Variants in AGBL4 observed in about 807,000 individuals in gnomAD.
AGBL4 encodes the protein cytosolic carboxypeptidase 6.
Under a neutral mutation model 66.4 loss-of-function variants are expected in AGBL4, and 58 were observed. The observed-to-expected ratio is 0.87, with a 90% confidence interval of 0.71 to 1.09. The LOEUF (loss-of-function observed/expected upper bound fraction) is 1.09, where lower values mean the gene tolerates loss of function less well. AGBL4 is among the 50% of genes least tolerant of loss of function. The probability of loss-of-function intolerance (pLI) is 0.00; values close to 1 mark genes in which losing one functional copy is unlikely to be tolerated. For missense variants in AGBL4, 579 were observed against 631.0 expected (o/e 0.92, Z 0.88); for synonymous variants, 234 against 222.9 (o/e 1.05, Z -0.44).
intron 6 of AGBL4, among the ~76,000 whole-genome samples, chr1:48,720,947 A>G (rs1647136912): frequency 7.0e-6 from 1 of 143,760 alleles, no homozygotes; most frequent in Admixed American, 7.2e-5. Flanking sequence ...TGAGCCTTCA[A>G]GCCCAGAGAG....
At chr1:49,260,062 G>T (rs1388537975) in intron 3 of AGBL4, among the ~76,000 whole-genome samples, 1 of 150,432 alleles carries the variant, frequency 6.6e-6, no homozygotes, top group African/African-American at 2.4e-5. Flanking sequence ...TGACTACTGG[G>T]TACATAACAA....
At chr1:49,337,012 G>A (rs1645451084) in intron 3 of AGBL4, among the ~76,000 whole-genome samples, 1 of 152,130 alleles carries the variant, frequency 6.6e-6, no homozygotes, top group Non-Finnish European at 1.5e-5. Flanking sequence ...TTGAAACCAG[G>A]ATTAATATCT....
intron 5 of AGBL4, among the ~76,000 whole-genome samples, chr1:48,890,066 A>G (rs1308759127): frequency 2.0e-5 from 3 of 151,972 alleles, no homozygotes; most frequent in South Asian, 2.1e-4. Context: ...GCCTATTGAC[A>G]GAGCTGGGTT....
chr1:49,454,817 T>C (rs1646354884), intron 3 of AGBL4, among the ~76,000 whole-genome samples: 4 of 151,646 alleles, frequency 2.6e-5, no homozygotes, highest in African/African-American at 9.7e-5. Flanking sequence ...AGTGTGGTTG[T>C]TCTATATACA....
chr1:49,185,262 G>GCA (rs1031280772), intron 4 of AGBL4, among the ~76,000 whole-genome samples: 7 of 152,148 alleles, frequency 4.6e-5, no homozygotes, highest in African/African-American at 1.7e-4. Context: ...ACAGAAAAGG[G>GCA]CACAGGAAAT....
chr1:49,834,601 T>C (rs1645795380), intron 2 of AGBL4, among the ~76,000 whole-genome samples: 1 of 152,208 alleles, frequency 6.6e-6, no homozygotes, highest in Non-Finnish European at 1.5e-5. Flanking sequence ...CTTAGTTATT[T>C]CTTGTCTTCT....
chr1:49,922,406 G>A (rs958538280), intron 1 of AGBL4, among the ~76,000 whole-genome samples: 2 of 152,130 alleles, frequency 1.3e-5, no homozygotes, highest in African/African-American at 4.8e-5. Context: ...AGACAAGGAT[G>A]CCCTCTCTCA....
chr1:49,699,435 T>C (rs1394830522), intron 2 of AGBL4, among the ~76,000 whole-genome samples: 1 of 152,050 alleles, frequency 6.6e-6, no homozygotes, highest in Non-Finnish European at 1.5e-5. Flanking sequence ...CACCTGGTTC[T>C]CTTTCATTAA....
chr1:49,690,626 G>T (rs1476891651), intron 3 of AGBL4, among the ~76,000 whole-genome samples: 1 of 152,150 alleles, frequency 6.6e-6, no homozygotes, highest in Admixed American at 6.6e-5. Context: ...ATAAATGAAT[G>T]AATTAATATA....
At chr1:48,971,478 GA>G (rs1005526195) in intron 5 of AGBL4, among the ~76,000 whole-genome samples, 5 of 151,266 alleles carry the variant, frequency 3.3e-5, no homozygotes, top group Non-Finnish European at 5.9e-5. Flanking sequence ...GTATTGAGGG[GA>G]AAAAAAACAG....
intron 3 of AGBL4, among the ~76,000 whole-genome samples, chr1:49,388,387 C>T (rs1172738635): frequency 6.6e-6 from 1 of 151,984 alleles, no homozygotes; most frequent in Non-Finnish European, 1.5e-5. Flanking sequence ...AAATAGCTGG[C>T]CAGGGGCAAT....
At chr1:48,849,928 G>A (rs1276062473) in intron 6 of AGBL4, among the ~76,000 whole-genome samples, 1 of 152,008 alleles carries the variant, frequency 6.6e-6, no homozygotes, top group Non-Finnish European at 1.5e-5. Context: ...AGCCGAGATC[G>A]CACCACTGCA....
In AGBL4 at chr1:48,685,807, C is replaced by A. The variant is rs1203990055; in HGVS notation, c.635-22566G>T. On this transcript the variant is annotated intron_variant, in intron 6 of 13. Coordinates refer to ENST00000371839, the MANE Select transcript of AGBL4 (RefSeq NM_032785.4). Reference sequence around the variant, plus strand: ...AATTACCAAAATAATTAAATAAAATCTACCTCCCATGAAGTCAGAGCCAGT... The same window carrying A: ...AATTACCAAAATAATTAAATAAAATATACCTCCCATGAAGTCAGAGCCAGT... Among the ~76,000 whole-genome samples, 3 of 152,154 alleles carry A rather than the reference C, an allele frequency of 2.0e-5. 1 individual carries two copies. In the East Asian group the frequency reaches 5.8e-4, roughly 29 times the overall value.
chr1:49,544,732 G>A (rs1652342687), intron 3 of AGBL4, among the ~76,000 whole-genome samples: 1 of 152,162 alleles, frequency 6.6e-6, no homozygotes, highest in African/African-American at 2.4e-5. Flanking sequence ...GATTAGTCTG[G>A]TGTACAGAAC....
At chr1:49,406,147 T>C (rs1398595775) in intron 3 of AGBL4, among the ~76,000 whole-genome samples, 1 of 152,228 alleles carries the variant, frequency 6.6e-6, no homozygotes, top group African/African-American at 2.4e-5. Context: ...TCTGGAAGAA[T>C]GAGTTTAAAT....
chr1:48,655,798 A>C (rs2148446274), intron 7 of AGBL4, among the ~76,000 whole-genome samples: 1 of 152,362 alleles, frequency 6.6e-6, no homozygotes, highest in African/African-American at 2.4e-5. Context: ...AAATCAAAAC[A>C]GAACTTGGGT....
chr1:49,255,734 T>A (rs1456027144), intron 3 of AGBL4, among the ~76,000 whole-genome samples: 2 of 152,104 alleles, frequency 1.3e-5, no homozygotes, highest in Non-Finnish European at 2.9e-5. Context: ...GCAGCACTGT[T>A]CAAAAAGCAG....
At chr1:49,624,701 T>C (rs1041401873) in intron 3 of AGBL4, among the ~76,000 whole-genome samples, 2 of 152,134 alleles carry the variant, frequency 1.3e-5, no homozygotes, top group South Asian at 2.1e-4. Context: ...CCCTTGAGGA[T>C]AGAGCCAAGA....
chr1:49,396,040 T>C (rs935926419), intron 3 of AGBL4, among the ~76,000 whole-genome samples: 1 of 151,408 alleles, frequency 6.6e-6, no homozygotes, highest in Non-Finnish European at 1.5e-5. Flanking sequence ...AATTATCCAG[T>C]AACCAGAAAG....
Sources: allele counts gnomAD v4.1 joint callset (sites outside exome capture counted in the v4.1 genomes callset), GRCh38; gene constraint gnomAD v4.1.1; transcripts MANE v1.5; gene names NCBI Gene and HGNC (gene_info 2026-07-23, HGNC 2026-07-21).